The following DNAH12 variants were observed in gnomAD, a reference collection of about 807,000 sequenced individuals.
DNAH12 encodes axonemal beta dynein heavy chain 12.
A neutral mutation model predicts 371.5 loss-of-function variants in DNAH12; 285 were observed. The ratio of observed to expected loss-of-function variants is 0.77; its 90% CI spans 0.70 to 0.85. The LOEUF (loss-of-function observed/expected upper bound fraction) is 0.85. Among genes scored for constraint, DNAH12 ranks in the 40% least tolerant of loss-of-function variants. The probability of loss-of-function intolerance (pLI) is 0.00; values close to 1 mark genes in which losing one functional copy is unlikely to be tolerated. For synonymous variants in DNAH12, 1,200 were observed against 1,213.0 expected (o/e 0.99, Z 0.22); for missense variants, 3,611 against 3,689.4 (o/e 0.98, Z 0.55).
intron 57 of DNAH12, among the ~76,000 whole-genome samples, chr3:57,366,220 C>A (rs1305567775): frequency 6.6e-6 from 1 of 152,108 alleles, no homozygotes; most frequent in East Asian, 1.9e-4. Flanking sequence ...CCCACCAGTG[C>A]CCTAACAGTT....
At chr3:57,510,332 C>T (rs970976833) in intron 5 of DNAH12, among the ~76,000 whole-genome samples, 2 of 151,994 alleles carry the variant, frequency 1.3e-5, no homozygotes, top group African/African-American at 4.8e-5. Flanking sequence ...AAATAAAAAT[C>T]GTATCTAAGA....
Position 57,333,728 on chromosome 3 carries a change from C to G in DNAH12, c.9978+737G>C, listed in dbSNP as rs892515133. ...TTTGGCCCACAGGTGTTTGTTGACCCCTGAACTAGCAGGACAGAACTCAAC... is the reference window on the plus strand; with the variant it reads ...TTTGGCCCACAGGTGTTTGTTGACCGCTGAACTAGCAGGACAGAACTCAAC... On this transcript the variant is annotated intron_variant, in intron 62 of 73. Coordinates refer to ENST00000495027, the MANE Select transcript of DNAH12 (RefSeq NM_001366028.2). Among the ~76,000 whole-genome samples, 10 of 152,212 alleles carry G rather than the reference C, an allele frequency of 6.6e-5. No homozygotes were observed. The South Asian group carries it at 1.0e-3, about 16-fold the overall frequency.
intron 58 of DNAH12, among the ~76,000 whole-genome samples, chr3:57,357,596 A>G (rs2153325643): frequency 6.6e-6 from 1 of 152,274 alleles, no homozygotes; most frequent in East Asian, 1.9e-4. Context: ...GAGAGGAAAA[A>G]AGAAAAAACA....
At chr3:57,529,299 T>A (rs977054458) in intron 2 of DNAH12, among the ~76,000 whole-genome samples, 4 of 152,178 alleles carry the variant, frequency 2.6e-5, no homozygotes, top group African/African-American at 9.7e-5. Context: ...TTCAGACTAG[T>A]TTAAGTAGCA....
At chr3:57,362,134 A>G (rs2062951315) in intron 58 of DNAH12, among the ~76,000 whole-genome samples, 2 of 151,870 alleles carry the variant, frequency 1.3e-5, no homozygotes. Context: ...TGTCCTTGCA[A>G]TAGTTTGCTC....
rs2062934544 is a variant in DNAH12, at chr3:57,361,471, T to TATATA, written c.9360+2122_9360+2123insTATAT. Reference sequence around the variant, plus strand: ...ATATATATATATATATATATATATATCTCATTCAGCTCTGTTAGGTGAATT... The same window carrying TATATA: ...ATATATATATATATATATATATATATATATACTCATTCAGCTCTGTTAGGTGAATT... On this transcript the variant is annotated intron_variant, in intron 58 of 73. Coordinates refer to ENST00000495027, the MANE Select transcript of DNAH12 (RefSeq NM_001366028.2). 1.6e-4 allele frequency among the ~76,000 whole-genome samples: 22 copies of TATATA among 141,826 alleles called. 1 individual carries two copies. The Middle Eastern group carries it at 0.011, about 71-fold the overall frequency. The allele number at this position is 141,826 out of a possible 152,430, so 93.0% of individuals were successfully genotyped here.
intron 51 of DNAH12, among the ~76,000 whole-genome samples, chr3:57,379,842 C>CAAA (rs1170490495): frequency 0.012 from 260 of 22,370 alleles, 54 homozygotes; most frequent in African/African-American, 0.025. Flanking sequence ...CTCTGTCTCC[C>CAAA]AAAAAAAAAA....
intron 62 of DNAH12, among the ~76,000 whole-genome samples, chr3:57,325,564 C>T (rs1400573795): frequency 6.6e-6 from 1 of 152,158 alleles, no homozygotes; most frequent in Non-Finnish European, 1.5e-5. Flanking sequence ...ACCAAAAACC[C>T]ATCTGTACAT....
intron 35 of DNAH12, among the ~76,000 whole-genome samples, chr3:57,422,173 A>T (rs1298533586): frequency 1.3e-5 from 2 of 151,836 alleles, no homozygotes; most frequent in Non-Finnish European, 2.9e-5. Flanking sequence ...ACAGCCTCCT[A>T]GAGTGCTAGG....
chr3:57,295,697 G>T, intron 72 of DNAH12, 105 bp from the exon 73 acceptor site: 1 of 899,570 alleles, frequency 1.1e-6, no homozygotes, highest in Non-Finnish European at 1.6e-6. Context: ...AGGACTAGAG[G>T]CATAGAGAAA....
chr3:57,473,201 A>C (rs1470708243), intron 13 of DNAH12, among the ~76,000 whole-genome samples: 1 of 152,038 alleles, frequency 6.6e-6, no homozygotes, highest in African/African-American at 2.4e-5. Context: ...GTTGAAGGTG[A>C]GTTGGCCAGG....
At chr3:57,309,530 C>A in intron 68 of DNAH12, 136 bp downstream of exon 68, 1 of 873,968 alleles carries the variant, frequency 1.1e-6, no homozygotes, top group Non-Finnish European at 1.6e-6. Flanking sequence ...CACCATTTAA[C>A]GGATTTGGAG....
rs144181892 is a variant in DNAH12, at chr3:57,452,602, T to A, written c.3786+241A>T. On this transcript the variant is annotated intron_variant, in intron 25 of 73. Transcript: ENST00000495027. ...TCTCATTATATTGTCAATACTCTCC[T>A]CTTTCTAATTATCCCCCATCGGAGT... Among the ~76,000 whole-genome samples the A allele has an allele frequency of 1.2e-3, 181 of 152,322 alleles. No individual in the cohort carries two copies. The Middle Eastern group carries it at 0.017, about 14-fold the overall frequency.
At chr3:57,483,592 TATA>T (rs944054124) in intron 12 of DNAH12, 81 bp from the exon 13 acceptor site, 2 of 1,377,520 alleles carry the variant, frequency 1.5e-6, no homozygotes, top group African/African-American at 3.1e-5. Context: ...TGACGATTAC[TATA>T]AAATAAGAAC....
At chr3:57,543,322 T>G (rs1471791186) in intron 1 of DNAH12, among the ~76,000 whole-genome samples, 7 of 137,010 alleles carry the variant, frequency 5.1e-5, no homozygotes, top group Non-Finnish European at 1.1e-4. Flanking sequence ...ATGGTTTTTT[T>G]TTTTTTTTTT....
In DNAH12 at chr3:57,482,081, T is replaced by G. The variant is rs1421557893; in HGVS notation, c.1650+1295A>C. Among the ~76,000 whole-genome samples, 7 of 151,978 alleles carry G rather than the reference T, an allele frequency of 4.6e-5. No homozygotes were observed. In the East Asian group the frequency reaches 1.3e-3, roughly 29 times the overall value. On this transcript the variant is annotated intron_variant, in intron 13 of 73. Coordinates refer to ENST00000495027, the MANE Select transcript of DNAH12 (RefSeq NM_001366028.2). ...CCAAAATTGACAAATGGGATCTAAT[T>G]AAACTAAAGAGCTTCTGCACAGCAA...
rs2063639250 is a variant in DNAH12 at position 57,392,214 on chromosome 3, A to G, written c.7111-148T>C. ...TTTATATCAATAGAATGGCTTTGACATAGTTTGTACTTAGAAAACCTCTTC... is the reference window on the plus strand; with the variant it reads ...TTTATATCAATAGAATGGCTTTGACGTAGTTTGTACTTAGAAAACCTCTTC... On this transcript the variant is annotated intron_variant, in intron 44 of 73. Coordinates refer to ENST00000495027, the MANE Select transcript of DNAH12 (RefSeq NM_001366028.2). The G allele has an allele frequency of 2.0e-5, 3 of 152,346 alleles. No homozygotes were observed. The South Asian group carries it at 6.2e-4, about 32-fold the overall frequency. The allele number at this position is 152,346 out of a possible 1,614,324, so 9.4% of individuals were successfully genotyped here.
chr3:57,466,840 G>T (rs558122382), intron 17 of DNAH12, among the ~76,000 whole-genome samples: 4 of 151,984 alleles, frequency 2.6e-5, no homozygotes, highest in South Asian at 2.1e-4. Context: ...CAAACTCCTC[G>T]GCTTAAGTGA....
chr3:57,340,634 AG>A (rs1389496507), intron 60 of DNAH12, among the ~76,000 whole-genome samples: 2 of 152,232 alleles, frequency 1.3e-5, no homozygotes, highest in African/African-American at 4.8e-5. Context: ...ATCAATAATG[AG>A]TAATGAGATT....
Sources: gnomAD v4.1 joint callset for allele counts (sites outside exome capture counted in the v4.1 genomes callset) on GRCh38, gnomAD v4.1.1 for gene constraint, MANE v1.5 for transcripts, NCBI Gene and HGNC (gene_info 2026-07-23, HGNC 2026-07-21) for gene names.